EHD1: variants seen among roughly 807,000 people sequenced by gnomAD.
EHD1 encodes EH domain-containing protein 1.
In EHD1, 19 loss-of-function variants were observed where a neutral mutation model predicts 39.0. The ratio of observed to expected loss-of-function variants is 0.49; its 90% CI spans 0.34 to 0.72. EHD1 has a LOEUF of 0.72. EHD1 is among the 30% of genes least tolerant of loss of function. The pLI, the probability that EHD1 is intolerant of heterozygous loss-of-function variation, is 0.01. For missense variants in EHD1, 542 were observed against 751.5 expected (o/e 0.72, Z 3.26); for synonymous variants, 323 against 331.2 (o/e 0.98, Z 0.27).
At position 64,852,335 on chromosome 11, in the gene EHD1, C is replaced by G. The variant is rs546523536; in HGVS notation, c.*1998G>C. 6.2e-4 allele frequency: 94 copies of G among 152,056 alleles called. No homozygotes were observed. Among genetic ancestry groups the G allele is most frequent in the African/African-American group, 2.2e-3 (91 of 41,428 alleles). The allele number at this position is 152,056 out of a possible 1,614,324, so 9.4% of individuals were successfully genotyped here. On this transcript the variant is annotated 3_prime_UTR_variant, in exon 5 of 5. Transcript: ENST00000320631. ...TCCTTGGGGCTAGCAAGGAGCCAGT[C>G]TGGCTCCAAAGCCCAGAAACCCTTG...
rs1483230947 is a variant in EHD1, at chr11:64,868,382, C to A, written c.502+6039G>T. Reference sequence around the variant, plus strand: ...AGAGCAGCAGCAGCACACGCCCACACGAACCACGTACTTGACTCAAAACTG... The same window carrying A: ...AGAGCAGCAGCAGCACACGCCCACAAGAACCACGTACTTGACTCAAAACTG... On this transcript the variant is annotated intron_variant, in intron 2 of 4. Coordinates refer to ENST00000320631, the MANE Select transcript of EHD1 (RefSeq NM_006795.4). The surrounding 1 kb of genome is among the most constrained non-coding windows in gnomAD (Gnocchi z 4.2). Among the ~76,000 whole-genome samples the A allele has an allele frequency of 6.6e-6, 1 of 152,140 alleles. No homozygotes were observed. The highest frequency in any genetic ancestry group is 2.4e-5 in the African/African-American group (1 of 41,398).
At chr11:64,873,632 G>A (rs1379349247) in intron 2 of EHD1, among the ~76,000 whole-genome samples, 2 of 152,076 alleles carry the variant, frequency 1.3e-5, no homozygotes, top group East Asian at 3.9e-4. Flanking sequence ...AGTGCACAGA[G>A]CACTGTGGAG....
intron 3 of EHD1, 125 bp from the exon 4 acceptor site, chr11:64,855,611 G>C: frequency 6.9e-7 from 1 of 1,456,192 alleles, no homozygotes; most frequent in South Asian, 1.2e-5. Context: ...AGGAGGGATG[G>C]GTCAAGCTCA....
chr11:64,857,692 G>C (rs887030570), intron 3 of EHD1, among the ~76,000 whole-genome samples: 1 of 152,204 alleles, frequency 6.6e-6, no homozygotes, highest in East Asian at 1.9e-4. Context: ...CAGACAGAGT[G>C]GGTACGAGGG....
chr11:64,867,860 G>A (rs532206276), intron 2 of EHD1, among the ~76,000 whole-genome samples: 2 of 152,380 alleles, frequency 1.3e-5, no homozygotes, highest in South Asian at 4.1e-4. Flanking sequence ...GGGCAACCAG[G>A]CTGAGCCAGG....
At position 64,878,541 on chromosome 11, in the gene EHD1, G is replaced by A. The variant is rs1479974268; in HGVS notation, c.-77C>T. 4.7e-6 allele frequency: 7 copies of A among 1,480,550 alleles called. No individual in the cohort carries two copies. In the Admixed American group the frequency reaches 6.9e-5, roughly 15 times the overall value. 91.7% of individuals were successfully genotyped at this position (1,480,550 alleles called of 1,614,324 possible). On this transcript the variant is annotated 5_prime_UTR_variant, in exon 1 of 5. Coordinates refer to ENST00000320631, the MANE Select transcript of EHD1 (RefSeq NM_006795.4). ...GGGCGAGGGTGCGGAGCCGAGGCGG[G>A]GCCGGCCGGGGCAGGGAATCGGGAG...
intron 1 of EHD1, 82 bp from the exon 2 acceptor site, chr11:64,874,600 CCTT>C (rs1943866124): frequency 7.2e-6 from 8 of 1,110,354 alleles, no homozygotes; most frequent in Non-Finnish European, 9.8e-6. Context: ...TCTCTGTACT[CCTT>C]CGCTCCATCT....
At position 64,853,403 on chromosome 11, in the gene EHD1, TTAAG is replaced by T. The variant is rs1943605099; in HGVS notation, c.*926_*929del. On this transcript the variant is annotated 3_prime_UTR_variant, in exon 5 of 5. Coordinates refer to ENST00000320631, the MANE Select transcript of EHD1 (RefSeq NM_006795.4). ...TGGAGGGTGCGTCCCAAAGCTCCAG[TTAAG>T]TGAGAGGGTAGGGCAGGAGCTGGGA... 1 of 152,062 alleles carries T rather than the reference TTAAG, an allele frequency of 6.6e-6. No homozygotes were observed. Among genetic ancestry groups the T allele is most frequent in the Non-Finnish European group, 1.5e-5 (1 of 68,022 alleles). The allele number at this position is 152,062 out of a possible 1,614,324, so 9.4% of individuals were successfully genotyped here.
At chr11:64,855,204 G>A in intron 4 of EHD1, 118 bp downstream of exon 4, 1 of 1,417,554 alleles carries the variant, frequency 7.1e-7, no homozygotes. Context: ...TAACCCAGCT[G>A]CTTCCGTTCA....
At chr11:64,869,267 G>A (rs1040918717) in intron 2 of EHD1, among the ~76,000 whole-genome samples, 13 of 152,352 alleles carry the variant, frequency 8.5e-5, no homozygotes, top group Non-Finnish European at 1.8e-4. Flanking sequence ...GAGCCTGCAC[G>A]CCCCCAGCAG....
At chr11:64,861,857 G>T (rs1016618201) in intron 2 of EHD1, among the ~76,000 whole-genome samples, 1 of 152,136 alleles carries the variant, frequency 6.6e-6, no homozygotes, top group Non-Finnish European at 1.5e-5. Context: ...AAACAAAGTG[G>T]TTGGACTGGA....
At chr11:64,874,758 C>T (rs896354757) in intron 1 of EHD1, among the ~76,000 whole-genome samples, 1 of 152,256 alleles carries the variant, frequency 6.6e-6, no homozygotes, top group African/African-American at 2.4e-5. Context: ...CTTCCTCACA[C>T]ACTTTTCCCC....
At chr11:64,874,376 T>C (rs752396381) in intron 2 of EHD1, 45 bp downstream of exon 2, 48 of 1,519,262 alleles carry the variant, frequency 3.2e-5, no homozygotes, top group Non-Finnish European at 4.0e-5. Flanking sequence ...GAGAGAAGGA[T>C]GTGTGACAAC....
intron 3 of EHD1, among the ~76,000 whole-genome samples, chr11:64,857,244 G>A (rs1349789853): frequency 6.6e-6 from 1 of 152,108 alleles, no homozygotes; most frequent in Admixed American, 6.5e-5. Context: ...GATCAACATG[G>A]TGAAACCCCG....
At chr11:64,865,272 G>A (rs1943755618) in intron 2 of EHD1, among the ~76,000 whole-genome samples, 1 of 152,234 alleles carries the variant, frequency 6.6e-6, no homozygotes, top group Non-Finnish European at 1.5e-5. Context: ...TGCCCTCAAA[G>A]GCACCTCACT....
chr11:64,859,666 C>T (rs984864025), intron 3 of EHD1: 4 of 505,956 alleles, frequency 7.9e-6, no homozygotes, highest in African/African-American at 7.6e-5. Context: ...ACAGTCAAAC[C>T]CTTCCTGAAA....
At chr11:64,864,107 G>T (rs1050036638) in intron 2 of EHD1, among the ~76,000 whole-genome samples, 1 of 152,234 alleles carries the variant, frequency 6.6e-6, no homozygotes, top group Non-Finnish European at 1.5e-5. Flanking sequence ...CAGGTGATGT[G>T]CGGCCGTTCC....
chr11:64,855,395 C>T lies in EHD1; in HGVS notation c.1007G>A (p.Gly336Glu), dbSNP rs764406886. 3.3e-5 allele frequency: 54 copies of T among 1,614,076 alleles called. No homozygotes were observed. The highest frequency in any genetic ancestry group is 4.6e-5 in the Non-Finnish European group (54 of 1,179,990). Residue 336 changes from glycine (G) to glutamate (E), a missense_variant, in exon 4 of 5, where the codon GGA (glycine) becomes GAA (glutamate). Transcript: ENST00000320631. Reference sequence around the variant, plus strand: ...GCGCTCAATCTTCTGGTAGATCTCTCCGAGGTTGTTCACCAGCTCTTTCTT... The same window carrying T: ...GCGCTCAATCTTCTGGTAGATCTCTTCGAGGTTGTTCACCAGCTCTTTCTT... Reference protein sequence around the residue: ...SKKKELVNNLGEIYQKIEREH... With the variant: ...SKKKELVNNLEEIYQKIEREH...
chr11:64,877,927 G>A lies in EHD1; in HGVS notation c.404+134C>T, dbSNP rs551172671. The A allele has an allele frequency of 1.1e-3, 1,007 of 917,704 alleles. 15 individuals carry two copies. The highest frequency in any genetic ancestry group is 2.0e-4 in the Non-Finnish European group (133 of 654,230). 56.8% of individuals were successfully genotyped at this position (917,704 alleles called of 1,614,324 possible). A position where few individuals can be genotyped will look rare whatever the true frequency, so the allele number is the denominator to read the frequency against. ...GGAAGGGGCAGGGCCCTTGGACCAG[G>A]GAGTGGTCACTGAGGGTCTCACTGG... On this transcript the variant is annotated intron_variant, in intron 1 of 4. Coordinates refer to ENST00000320631, the MANE Select transcript of EHD1 (RefSeq NM_006795.4).
Sources: allele counts gnomAD v4.1 joint callset (sites outside exome capture counted in the v4.1 genomes callset), GRCh38; gene constraint gnomAD v4.1.1; non-coding constraint Gnocchi (gnomAD v3.1); transcripts MANE v1.5; gene names NCBI Gene and HGNC (gene_info 2026-07-23, HGNC 2026-07-21).